The following COL4A5 variants were observed in gnomAD, a reference collection of about 807,000 sequenced individuals.
The protein encoded by COL4A5 is collagen alpha-5(IV) chain.
A neutral mutation model predicts 130.2 loss-of-function variants in COL4A5; 26 were observed. That is an observed-to-expected ratio of 0.20 (90% CI 0.15 to 0.28). COL4A5 has a LOEUF of 0.28. Among genes scored for constraint, COL4A5 ranks in the 10% least tolerant of loss-of-function variants. The pLI is 1.00. For synonymous variants in COL4A5, 496 were observed against 439.6 expected (o/e 1.13, Z -1.60); for missense variants, 1,131 against 1,344.3 (o/e 0.84, Z 2.48).
At chrX:108,640,418 T>C (rs1233554370) in intron 36 of COL4A5, among the ~76,000 whole-genome samples, 1 of 110,983 alleles carries the variant, frequency 9.0e-6, no homozygotes, top group Admixed American at 9.6e-5. Flanking sequence ...GGCCAAAGGG[T>C]ACAAACATTT....
intron 36 of COL4A5, among the ~76,000 whole-genome samples, chrX:108,643,827 C>A (rs916726333): frequency 9.0e-6 from 1 of 111,419 alleles, no homozygotes; most frequent in African/African-American, 3.3e-5. Context: ...AAAATAAAAA[C>A]CCCAAAATAC....
intron 36 of COL4A5, among the ~76,000 whole-genome samples, chrX:108,655,073 T>A (rs1450042257): frequency 9.0e-6 from 1 of 111,728 alleles, no homozygotes; most frequent in Non-Finnish European, 1.9e-5. Context: ...TAGCTGATTG[T>A]AGTCTGGTTC....
In COL4A5 at chrX:108,576,490, C is replaced by G. The variant is rs1019865491; in HGVS notation, c.609+518C>G. 7.1e-5 allele frequency among the ~76,000 whole-genome samples: 8 copies of G among 111,933 alleles called. No homozygotes were observed. In the Admixed American group the frequency reaches 7.6e-4, roughly 11 times the overall value. The stretch of plus-strand genomic sequence containing the variant: ...ACAGATCCTGAATGTGCAACCGGTT[C>G]TCTTACTTTACTAGCTCTGTAGTCA... On this transcript the variant is annotated intron_variant, in intron 10 of 52. Coordinates refer to ENST00000328300, the MANE Select transcript of COL4A5 (RefSeq NM_033380.3).
At chrX:108,650,875 A>G (rs1465854150) in intron 36 of COL4A5, among the ~76,000 whole-genome samples, 2 of 110,435 alleles carry the variant, frequency 1.8e-5, no homozygotes, top group Admixed American at 2.0e-4. Flanking sequence ...AATCACCACT[A>G]AAGAACTTAC....
At chrX:108,604,065 A>C (rs1403712083) in intron 28 of COL4A5, among the ~76,000 whole-genome samples, 3 of 112,017 alleles carry the variant, frequency 2.7e-5, no homozygotes, top group Non-Finnish European at 5.6e-5. Flanking sequence ...GAAGTCTTGA[A>C]ACCCTCAAAG....
chrX:108,513,520 C>T (rs1019907830), intron 1 of COL4A5, among the ~76,000 whole-genome samples: 2 of 111,433 alleles, frequency 1.8e-5, no homozygotes, highest in Non-Finnish European at 3.8e-5. Flanking sequence ...GCTTATTGGA[C>T]ATTTGTGTAT....
chrX:108,496,660 G>GT (rs2065038071), intron 1 of COL4A5, among the ~76,000 whole-genome samples: 1 of 110,782 alleles, frequency 9.0e-6, no homozygotes. Context: ...GTGTGTTTGC[G>GT]TTTTTTTCCT....
intron 1 of COL4A5, among the ~76,000 whole-genome samples, chrX:108,479,479 G>A (rs1603252446): frequency 8.9e-6 from 1 of 112,244 alleles, no homozygotes. Flanking sequence ...GGACCGTAGT[G>A]TTGCAGCTGT....
At chrX:108,574,342 A>C (rs1468240195) in intron 9 of COL4A5, among the ~76,000 whole-genome samples, 3 of 111,872 alleles carry the variant, frequency 2.7e-5, no homozygotes, top group Admixed American at 9.5e-5. Context: ...AAATTCACTC[A>C]ATCTTGCCCT....
At chrX:108,626,474 T>C in intron 36 of COL4A5, 125 bp downstream of exon 36, 1 of 1,165,262 alleles carries the variant, frequency 8.6e-7, no homozygotes, top group Non-Finnish European at 1.2e-6. Flanking sequence ...GGATAAGAGA[T>C]TTATTCCTTT....
chrX:108,563,064 T>C (rs2065918351), intron 3 of COL4A5, among the ~76,000 whole-genome samples: 1 of 111,417 alleles, frequency 9.0e-6, no homozygotes, highest in African/African-American at 3.3e-5. Context: ...ATAACTGCAT[T>C]GTATTTCATT....
chrX:108,569,922 C>A (rs778400174), intron 6 of COL4A5, among the ~76,000 whole-genome samples: 1 of 111,238 alleles, frequency 9.0e-6, no homozygotes, highest in African/African-American at 3.3e-5. Context: ...CCTCTTGATC[C>A]GCCTGCCTCA....
chrX:108,683,500 A>G (rs980792559), intron 47 of COL4A5, among the ~76,000 whole-genome samples: 2 of 111,480 alleles, frequency 1.8e-5, no homozygotes, highest in Non-Finnish European at 3.8e-5. Flanking sequence ...GGCCATTTTC[A>G]TGATATTGAT....
At chrX:108,621,565 A>G (rs752150804) in intron 31 of COL4A5, among the ~76,000 whole-genome samples, 12 of 110,589 alleles carry the variant, frequency 1.1e-4, no homozygotes, top group African/African-American at 3.6e-4. Context: ...GTTTTATAGT[A>G]GATTGTACAT....
In COL4A5 at chrX:108,683,971, C is replaced by T. The variant is rs556849542; in HGVS notation, c.4217-2060C>T. On this transcript the variant is annotated intron_variant, in intron 47 of 52. Coordinates refer to ENST00000328300, the MANE Select transcript of COL4A5 (RefSeq NM_033380.3). ...CAGGATTAAGAAACTCACTCAAAAC[C>T]GCACAACTACATGGAAACTGTACCA... Among the ~76,000 whole-genome samples the T allele has an allele frequency of 1.8e-4, 20 of 111,350 alleles. 1 individual carries two copies. The South Asian group carries it at 7.2e-3, about 40-fold the overall frequency.
intron 49 of COL4A5, among the ~76,000 whole-genome samples, chrX:108,688,141 G>T (rs758322253): frequency 1.5e-4 from 17 of 111,884 alleles, no homozygotes; most frequent in Non-Finnish European, 2.6e-4. Flanking sequence ...TAAGGTCATT[G>T]CTTAATTATG....
intron 36 of COL4A5, among the ~76,000 whole-genome samples, chrX:108,638,200 G>A: frequency 9.0e-6 from 1 of 111,016 alleles, no homozygotes. Context: ...GAATTCAACA[G>A]CATATTAAAA....
At chrX:108,483,231 G>GTT (rs1569476142) in intron 1 of COL4A5, among the ~76,000 whole-genome samples, 1 of 110,093 alleles carries the variant, frequency 9.1e-6, no homozygotes, top group Non-Finnish European at 1.9e-5. Context: ...GTATGTGTGT[G>GTT]TGTGTGTGTG....
Position 108,615,074 on chromosome X carries a change from T to G in COL4A5, c.2509+50T>G, listed in dbSNP as rs2179674. ...TTGTAGCACTCATAATATATACATT[T>G]GTTAGCTCATCAATAAAGTGAAACC... On this transcript the variant is annotated intron_variant, in intron 30 of 52. Coordinates refer to ENST00000328300, the MANE Select transcript of COL4A5 (RefSeq NM_033380.3). The G allele has an allele frequency of 0.03, 26,175 of 875,337 alleles. 2,449 individuals carry two copies. The African/African-American group carries it at 0.34, about 11-fold the overall frequency. 72.1% of individuals were successfully genotyped at this position (875,337 alleles called of 1,213,427 possible).
Sources: gnomAD v4.1 joint callset for allele counts (sites outside exome capture counted in the v4.1 genomes callset) on GRCh38, gnomAD v4.1.1 for gene constraint, MANE v1.5 for transcripts, NCBI Gene and HGNC (gene_info 2026-07-23, HGNC 2026-07-21) for gene names.